Variants in SPOP observed in about 807,000 individuals in gnomAD.
SPOP encodes speckle-type POZ protein.
Under a neutral mutation model 45.6 loss-of-function variants are expected in SPOP, and 11 were observed. The observed-to-expected ratio is 0.24, with a 90% CI of 0.15 to 0.40. The LOEUF (loss-of-function observed/expected upper bound fraction) is 0.40. Ranked by LOEUF, SPOP falls within the 10% of genes least tolerant of loss-of-function variation. SPOP has a pLI of 1.00. For synonymous variants in SPOP, 166 were observed against 166.3 expected, an observed-to-expected ratio of 1.00 and a Z score of 0.01; for missense variants, 152 against 465.6, an observed-to-expected ratio of 0.33 and a Z score of 6.20.
At chr17:49,637,112 C>T (rs898641551) in intron 1 of SPOP, among the ~76,000 whole-genome samples, 34 of 151,984 alleles carry the variant, frequency 2.2e-4, no homozygotes, top group African/African-American at 7.5e-4. Context: ...ACTTAGGAGG[C>T]TGAGGCACAA....
intron 1 of SPOP, among the ~76,000 whole-genome samples, chr17:49,644,345 T>A: frequency 6.6e-6 from 1 of 152,210 alleles, no homozygotes; most frequent in East Asian, 1.9e-4. Flanking sequence ...GTTTTCCTCA[T>A]CCCTCTCCCT....
At chr17:49,607,496 T>C (rs959231868) in intron 7 of SPOP, 124 bp from the exon 8 acceptor site, 98 of 1,270,470 alleles carry the variant, frequency 7.7e-5, no homozygotes, top group Non-Finnish European at 9.7e-5. Context: ...CTAACATTAA[T>C]GGAAAATTTC....
rs140424392 is a variant in SPOP at position 49,628,887 on chromosome 17, C to G, written c.-66-6011G>C. 1.7e-4 allele frequency among the ~76,000 whole-genome samples: 26 copies of G among 152,266 alleles called. 1 individual carries two copies. The East Asian group carries it at 4.8e-3, about 28-fold the overall frequency. On this transcript the variant is annotated intron_variant, in intron 1 of 9. Transcript: ENST00000504102. Reference sequence around the variant, plus strand: ...CAAGCTCCTTAAACAGAACCTGCAACTATTCTATATATCCCTTATCACCTA... The same window carrying G: ...CAAGCTCCTTAAACAGAACCTGCAAGTATTCTATATATCCCTTATCACCTA...
chr17:49,650,830 T>C (rs1353086813), intron 1 of SPOP, among the ~76,000 whole-genome samples: 1 of 152,266 alleles, frequency 6.6e-6, no homozygotes, highest in Non-Finnish European at 1.5e-5. Context: ...CATCCTGTAT[T>C]GTGCCTAGCA....
chr17:49,673,012 G>T (rs2073156056), intron 1 of SPOP, among the ~76,000 whole-genome samples: 1 of 151,932 alleles, frequency 6.6e-6, no homozygotes, highest in African/African-American at 2.4e-5. Flanking sequence ...AGACTAAAGA[G>T]ATATATTTGG....
chr17:49,650,077 G>C (rs1339511377), intron 1 of SPOP, among the ~76,000 whole-genome samples: 1 of 151,328 alleles, frequency 6.6e-6, no homozygotes, highest in African/African-American at 2.4e-5. Flanking sequence ...TTTTAGTAGA[G>C]ACAGAGTTTC....
At chr17:49,618,835 CTCAA>C in intron 5 of SPOP, 142 bp downstream of exon 5, 5 of 1,021,860 alleles carry the variant, frequency 4.9e-6, no homozygotes, top group South Asian at 1.6e-5. Context: ...CATCAGGTAG[CTCAA>C]TCAGTCACAT....
chr17:49,607,247 T>C lies in SPOP; in HGVS notation c.837+3A>G. ...CCTGATTATTTTTCTATTCTTATCTTACCTTGTCAGCAGCTGCCAGCAAAT... is the reference window on the plus strand; with the variant it reads ...CCTGATTATTTTTCTATTCTTATCTCACCTTGTCAGCAGCTGCCAGCAAAT... On this transcript the variant is annotated splice_donor_region_variant and intron_variant, in intron 8 of 9. Coordinates refer to ENST00000504102, the MANE Select transcript of SPOP (RefSeq NM_001007228.2). 3.7e-6 allele frequency: 6 copies of C among 1,614,124 alleles called. No homozygotes were observed. The highest frequency in any genetic ancestry group is 5.1e-6 in the Non-Finnish European group (6 of 1,180,000).
rs963925437 is a variant in SPOP, at chr17:49,599,935, G to T, written c.*443C>A. On this transcript the variant is annotated 3_prime_UTR_variant, in exon 10 of 10. Coordinates refer to ENST00000504102, the MANE Select transcript of SPOP (RefSeq NM_001007228.2). Reference sequence around the variant, plus strand: ...TAAATACTACTGGAATCCACAAACTGATTTTTGAGAAATTCTGCAAAAATC... The same window carrying T: ...TAAATACTACTGGAATCCACAAACTTATTTTTGAGAAATTCTGCAAAAATC... The T allele has an allele frequency of 5.2e-5, 12 of 230,250 alleles. No homozygotes were observed. The Admixed American group carries it at 6.3e-4, about 12-fold the overall frequency. The allele number at this position is 230,250 out of a possible 1,614,324, so 14.3% of individuals were successfully genotyped here.
chr17:49,665,362 C>G (rs928016495), intron 1 of SPOP, among the ~76,000 whole-genome samples: 1 of 152,128 alleles, frequency 6.6e-6, no homozygotes, highest in Non-Finnish European at 1.5e-5. Context: ...CACCTGTAAT[C>G]CCAGCACTTT....
chr17:49,641,945 G>A (rs2072660796), intron 1 of SPOP, among the ~76,000 whole-genome samples: 1 of 152,028 alleles, frequency 6.6e-6, no homozygotes, highest in Non-Finnish European at 1.5e-5. Flanking sequence ...AGAATCGCTT[G>A]AACCTGGGAG....
At chr17:49,646,647 G>A (rs772001535) in intron 1 of SPOP, 22 of 152,016 alleles carry the variant, frequency 1.4e-4, no homozygotes, top group Non-Finnish European at 2.8e-4. Context: ...TCCCTCATAA[G>A]CAGTATTCAA....
chr17:49,615,278 A>G (rs959375879), intron 5 of SPOP, among the ~76,000 whole-genome samples: 1 of 152,190 alleles, frequency 6.6e-6, no homozygotes, highest in Non-Finnish European at 1.5e-5. Flanking sequence ...TAGTTACAAC[A>G]TGACAAAGAG....
intron 1 of SPOP, among the ~76,000 whole-genome samples, chr17:49,658,388 T>C (rs2072943545): frequency 6.6e-6 from 1 of 152,188 alleles, no homozygotes; most frequent in Non-Finnish European, 1.5e-5. Context: ...TCTGAAAAAA[T>C]ACCATGTTGA....
intron 1 of SPOP, among the ~76,000 whole-genome samples, chr17:49,669,465 TAAAA>T (rs1338594142): frequency 8.1e-6 from 1 of 123,656 alleles, no homozygotes; most frequent in Non-Finnish European, 1.7e-5. Flanking sequence ...TACGGAATAT[TAAAA>T]AAAAAAAAAA....
At chr17:49,629,234 T>C (rs1413030550) in intron 1 of SPOP, among the ~76,000 whole-genome samples, 3 of 151,230 alleles carry the variant, frequency 2.0e-5, no homozygotes, top group Non-Finnish European at 4.4e-5. Flanking sequence ...AGCAAGACTC[T>C]ATCTCAAAAA....
At chr17:49,620,276 G>A (rs1284804201) in intron 3 of SPOP, among the ~76,000 whole-genome samples, 1 of 151,958 alleles carries the variant, frequency 6.6e-6, no homozygotes, top group Non-Finnish European at 1.5e-5. Flanking sequence ...ACTTAAGTTC[G>A]AGAATGGCCT....
Position 49,600,018 on chromosome 17 carries a change from C to A in SPOP, c.*360G>T. 1.8e-5 allele frequency: 4 copies of A among 224,440 alleles called. No homozygotes were observed. Among genetic ancestry groups the A allele is most frequent in the Non-Finnish European group, 2.6e-5 (3 of 116,734 alleles). The allele number at this position is 224,440 out of a possible 1,614,324, so 13.9% of individuals were successfully genotyped here. On this transcript the variant is annotated 3_prime_UTR_variant, in exon 10 of 10. Coordinates refer to ENST00000504102, the MANE Select transcript of SPOP (RefSeq NM_001007228.2). This position sits in a 1 kb window ranked among gnomAD's most constrained non-coding sequence, Gnocchi z 4.2. The stretch of plus-strand genomic sequence containing the variant: ...TCAATGTCCTTTCTTTTTTTTTTTT[C>A]CTTTTTGCTCCAGGCACCTGACGAT...
intron 1 of SPOP, among the ~76,000 whole-genome samples, chr17:49,673,457 G>T (rs567224299): frequency 6.6e-6 from 1 of 152,070 alleles, no homozygotes; most frequent in Non-Finnish European, 1.5e-5. Flanking sequence ...AGTGAGCCAA[G>T]ATCGCGCCAC....
Sources: gnomAD v4.1 joint callset for allele counts (sites outside exome capture counted in the v4.1 genomes callset) on GRCh38, gnomAD v4.1.1 for gene constraint, Gnocchi (gnomAD v3.1) non-coding constraint, MANE v1.5 for transcripts, NCBI Gene and HGNC (gene_info 2026-07-23, HGNC 2026-07-21) for gene names.